Variants in XPR1 observed in about 807,000 individuals in gnomAD.
XPR1 encodes the protein solute carrier family 53 member 1.
A neutral mutation model predicts 87.5 loss-of-function variants in XPR1; 28 were observed. That is an observed-to-expected ratio of 0.32 (90% CI 0.24 to 0.44). The LOEUF (loss-of-function observed/expected upper bound fraction) is 0.44. Ranked by LOEUF, XPR1 falls within the 20% of genes least tolerant of loss-of-function variation. XPR1 has a pLI of 1.00. For missense variants in XPR1, 559 were observed against 862.3 expected, an observed-to-expected ratio of 0.65 and a Z score of 4.41; for synonymous variants, 300 against 306.1, an observed-to-expected ratio of 0.98 and a Z score of 0.21.
chr1:180,733,002 C>T (rs572216213), intron 2 of XPR1, among the ~76,000 whole-genome samples: 3 of 152,300 alleles, frequency 2.0e-5, no homozygotes, highest in East Asian at 3.9e-4. Context: ...ACCTCTGCAT[C>T]GTTCTGCTTC....
rs1649876229 is a variant in XPR1, at chr1:180,803,625, T to C, written c.447+14T>C. The C allele has an allele frequency of 6.3e-7, 1 of 1,599,738 alleles. No homozygotes were observed. Among genetic ancestry groups the C allele is most frequent in the Admixed American group, 1.7e-5 (1 of 59,026 alleles). ...CAGAACTATCAGGTACTTAGATTCT[T>C]ACCCTAGAAAATGGCACCTTTAAGT... is the stretch of plus-strand genomic sequence containing the variant. On this transcript the variant is annotated intron_variant, in intron 4 of 14. Transcript: ENST00000367590.
chr1:180,658,728 C>CT (rs112053904), intron 1 of XPR1, among the ~76,000 whole-genome samples: 5,702 of 140,622 alleles, frequency 0.041, 183 homozygotes, highest in African/African-American at 0.09. Flanking sequence ...CCATGCCCAG[C>CT]TTTTTTTTTT....
intron 2 of XPR1, among the ~76,000 whole-genome samples, chr1:180,784,663 A>G (rs1287812850): frequency 3.9e-5 from 6 of 151,944 alleles, no homozygotes; most frequent in Non-Finnish European, 8.8e-5. Flanking sequence ...ATAGTATTTT[A>G]TATCATCTCT....
At chr1:180,651,166 A>G (rs1655282483) in intron 1 of XPR1, among the ~76,000 whole-genome samples, 1 of 150,166 alleles carries the variant, frequency 6.7e-6, no homozygotes, top group African/African-American at 2.5e-5. Flanking sequence ...ATCTCAGCTC[A>G]CTGCAACCTC....
intron 2 of XPR1, among the ~76,000 whole-genome samples, chr1:180,745,567 T>A (rs919246899): frequency 2.6e-4 from 39 of 152,160 alleles, no homozygotes; most frequent in African/African-American, 9.4e-4. Flanking sequence ...GGAGTTTGGG[T>A]GCAAGAGAAT....
At chr1:180,632,459 CCCG>C (rs1204337798) in intron 1 of XPR1, among the ~76,000 whole-genome samples, 189 bp downstream of exon 1, 1 of 152,062 alleles carries the variant, frequency 6.6e-6, no homozygotes, top group Admixed American at 6.5e-5. Flanking sequence ...CTTCCCCTCC[CCCG>C]CAGCCCCGCT....
intron 2 of XPR1, among the ~76,000 whole-genome samples, chr1:180,687,649 CAAACAAAT>C (rs1326661969): frequency 6.6e-6 from 1 of 152,052 alleles, no homozygotes; most frequent in Non-Finnish European, 1.5e-5. Context: ...CTCTGTTACT[CAAACAAAT>C]AAACACATTC....
chr1:180,758,114 TACACACACAC>T (rs71121050), intron 2 of XPR1, among the ~76,000 whole-genome samples: 2,451 of 141,182 alleles, frequency 0.017, 80 homozygotes, highest in African/African-American at 0.058. Flanking sequence ...TATAGAAGGA[TACACACACAC>T]ACACACACAC....
At chr1:180,730,593 T>C (rs561052729) in intron 2 of XPR1, among the ~76,000 whole-genome samples, 1 of 152,366 alleles carries the variant, frequency 6.6e-6, no homozygotes, top group African/African-American at 2.4e-5. Context: ...AGCCAGGCTC[T>C]ATCACAGCTA....
At chr1:180,728,822 A>G (rs1658450368) in intron 2 of XPR1, among the ~76,000 whole-genome samples, 1 of 152,214 alleles carries the variant, frequency 6.6e-6, no homozygotes, top group African/African-American at 2.4e-5. Context: ...AAAATTAGGA[A>G]TTACAATAAT....
At chr1:180,732,525 T>A (rs1658591541) in intron 2 of XPR1, among the ~76,000 whole-genome samples, 1 of 152,186 alleles carries the variant, frequency 6.6e-6, no homozygotes, top group Non-Finnish European at 1.5e-5. Flanking sequence ...ATAAATGTTG[T>A]TTTTGAAATG....
At chr1:180,856,045 A>C (rs1277576552) in intron 11 of XPR1, among the ~76,000 whole-genome samples, 1 of 152,128 alleles carries the variant, frequency 6.6e-6, no homozygotes, top group African/African-American at 2.4e-5. Context: ...CCCCTACTCT[A>C]AAAAGATTTC....
At chr1:180,785,007 G>GTT (rs1649083028) in intron 2 of XPR1, among the ~76,000 whole-genome samples, 1 of 118,372 alleles carries the variant, frequency 8.4e-6, no homozygotes, top group Admixed American at 9.7e-5. Context: ...TCGTGTGTGT[G>GTT]TGTTTGTGTG....
intron 11 of XPR1, among the ~76,000 whole-genome samples, chr1:180,845,324 A>G (rs1037254614): frequency 5.9e-5 from 9 of 152,132 alleles, no homozygotes; most frequent in African/African-American, 2.2e-4. Flanking sequence ...CTTTTTCCTA[A>G]ATAGAGAATT....
chr1:180,830,337 A>G (rs560349872), intron 9 of XPR1, among the ~76,000 whole-genome samples: 1 of 152,266 alleles, frequency 6.6e-6, no homozygotes, highest in South Asian at 2.1e-4. Flanking sequence ...AGACTGAGCC[A>G]TGGAATGAAA....
intron 2 of XPR1, among the ~76,000 whole-genome samples, chr1:180,748,689 A>T (rs1571795907): frequency 6.6e-6 from 1 of 151,762 alleles, no homozygotes; most frequent in East Asian, 1.9e-4. Flanking sequence ...AAGTGCTGGG[A>T]TTACAGCATG....
At chr1:180,683,536 A>G (rs1292414009) in intron 2 of XPR1, among the ~76,000 whole-genome samples, 2 of 152,112 alleles carry the variant, frequency 1.3e-5, no homozygotes, top group Non-Finnish European at 2.9e-5. Flanking sequence ...CTGAGGAATC[A>G]CCACACCGAC....
intron 2 of XPR1, among the ~76,000 whole-genome samples, chr1:180,710,915 A>G (rs1301509357): frequency 2.8e-5 from 4 of 144,490 alleles, no homozygotes; most frequent in African/African-American, 7.9e-5. Flanking sequence ...CCGGGCGGAG[A>G]CGCTCCTCAC....
chr1:180,713,912 C>A (rs189665723), intron 2 of XPR1, among the ~76,000 whole-genome samples: 44 of 152,078 alleles, frequency 2.9e-4, no homozygotes, highest in Admixed American at 2.7e-3. Flanking sequence ...AGAAAGAATT[C>A]TTTTCATTAG....
Sources: allele counts gnomAD v4.1 joint callset (sites outside exome capture counted in the v4.1 genomes callset), GRCh38; gene constraint gnomAD v4.1.1; transcripts MANE v1.5; gene names NCBI Gene and HGNC (gene_info 2026-07-23, HGNC 2026-07-21).